LPCAT2: variants seen among roughly 807,000 people sequenced by gnomAD.
LPCAT2 encodes the protein lysophosphatidylcholine acyltransferase 2.
In LPCAT2, 58 loss-of-function variants were observed where a neutral mutation model predicts 64.7. That is an observed-to-expected ratio of 0.90 (90% CI 0.73 to 1.12). LPCAT2 has a LOEUF of 1.12. Ranked by LOEUF, LPCAT2 falls within the 50% of genes most tolerant of loss-of-function variation. The pLI is 0.00. For synonymous variants in LPCAT2, 252 were observed against 245.3 expected, an observed-to-expected ratio of 1.03 and a Z score of -0.26; for missense variants, 579 against 669.8, an observed-to-expected ratio of 0.86 and a Z score of 1.50.
At chr16:55,517,583 A>C (rs188979512) in intron 1 of LPCAT2, among the ~76,000 whole-genome samples, 1 of 152,196 alleles carries the variant, frequency 6.6e-6, no homozygotes, top group African/African-American at 2.4e-5. Flanking sequence ...TATATATGCA[A>C]AAATCCTCAA....
At chr16:55,568,715 GTC>G (rs1181433998) in intron 11 of LPCAT2, among the ~76,000 whole-genome samples, 1 of 152,156 alleles carries the variant, frequency 6.6e-6, no homozygotes, top group Non-Finnish European at 1.5e-5. Flanking sequence ...TTTCAAGCCT[GTC>G]TCAGCCAAAA....
intron 12 of LPCAT2, among the ~76,000 whole-genome samples, chr16:55,576,624 G>A (rs1485210528): frequency 6.6e-6 from 1 of 152,162 alleles, no homozygotes; most frequent in Admixed American, 6.6e-5. Context: ...CACATTTCAG[G>A]GAGGGTCCAG....
At chr16:55,574,006 A>G (rs1963799749) in intron 11 of LPCAT2, among the ~76,000 whole-genome samples, 1 of 152,182 alleles carries the variant, frequency 6.6e-6, no homozygotes, top group Non-Finnish European at 1.5e-5. Context: ...AATGCCTCCT[A>G]AGGTATATTA....
At chr16:55,510,394 T>A (rs1418621713) in intron 1 of LPCAT2, among the ~76,000 whole-genome samples, 1 of 131,050 alleles carries the variant, frequency 7.6e-6, no homozygotes, top group Admixed American at 9.9e-5. Flanking sequence ...TTGAAGTTAG[T>A]GATCAGAGAA....
chr16:55,573,897 A>T (rs1354181), intron 11 of LPCAT2, among the ~76,000 whole-genome samples: 82,941 of 151,726 alleles, frequency 0.55, 23,085 homozygotes, highest in East Asian at 0.73. Flanking sequence ...ATCTTCTTAG[A>T]GCTCCTGTCT....
At chr16:55,534,300 A>G (rs1963295891) in intron 6 of LPCAT2, 143 bp from the exon 7 acceptor site, 1 of 586,934 alleles carries the variant, frequency 1.7e-6, no homozygotes, top group Admixed American at 2.7e-5. Flanking sequence ...ACTGTTCTTT[A>G]ACAATAATGT....
intron 11 of LPCAT2, chr16:55,566,924 T>C: frequency 6.2e-7 from 1 of 1,613,866 alleles, no homozygotes; most frequent in Non-Finnish European, 8.5e-7. Flanking sequence ...CAGCTCAGTA[T>C]ACTCCAGAAC....
intron 9 of LPCAT2, 98 bp downstream of exon 9, chr16:55,545,915 G>T (rs190861495): frequency 5.1e-6 from 4 of 787,114 alleles, no homozygotes; most frequent in Middle Eastern, 2.4e-4. Flanking sequence ...ACCCCTGAAG[G>T]CCTCGTTCCC....
chr16:55,511,251 A>G (rs879841164), intron 1 of LPCAT2, among the ~76,000 whole-genome samples: 1 of 152,188 alleles, frequency 6.6e-6, no homozygotes, highest in Non-Finnish European at 1.5e-5. Context: ...TACTACTTGG[A>G]TTAAATGGGA....
intron 11 of LPCAT2, among the ~76,000 whole-genome samples, chr16:55,559,469 G>A (rs1031051045): frequency 6.6e-6 from 1 of 152,086 alleles, no homozygotes; most frequent in Admixed American, 6.5e-5. Context: ...ATTAGTTCAA[G>A]TGTTAAATCT....
intron 12 of LPCAT2, among the ~76,000 whole-genome samples, chr16:55,576,257 G>GT (rs1479965008): frequency 1.3e-5 from 2 of 150,144 alleles, no homozygotes; most frequent in African/African-American, 2.5e-5. Context: ...TTTTAAATGT[G>GT]TTTTATGTTT....
chr16:55,573,237 A>C (rs756573066), intron 11 of LPCAT2, among the ~76,000 whole-genome samples: 72 of 152,212 alleles, frequency 4.7e-4, no homozygotes, highest in Non-Finnish European at 8.7e-4. Context: ...TGTCATAAAA[A>C]TTGCATACCA....
chr16:55,523,672 G>A (rs1403702930), intron 1 of LPCAT2, among the ~76,000 whole-genome samples: 2 of 151,734 alleles, frequency 1.3e-5, no homozygotes, highest in African/African-American at 4.8e-5. Context: ...AGATATAAAA[G>A]GGTAAATAAA....
chr16:55,543,876 C>T (rs1963424093), intron 8 of LPCAT2, among the ~76,000 whole-genome samples: 1 of 152,238 alleles, frequency 6.6e-6, no homozygotes, highest in Admixed American at 6.5e-5. Flanking sequence ...CTTTCTGCAG[C>T]TTGCAGCTGC....
Position 55,582,951 on chromosome 16 carries a change from T to C in LPCAT2, c.1488T>C (p.Tyr496=). The C allele has an allele frequency of 6.2e-7, 1 of 1,613,566 alleles. No individual in the cohort carries two copies. The highest frequency in any genetic ancestry group is 1.7e-5 in the Admixed American group (1 of 59,986). The change falls in exon 14 of 14, where the codon TAT becomes TAC. Residue 496 remains tyrosine, a synonymous_variant. Coordinates refer to ENST00000262134, the MANE Select transcript of LPCAT2 (RefSeq NM_017839.5). ...FKSFALKHPE[Y]AKIFTTYLDL... ...GTTTTGCCTTAAAGCATCCAGAATA[T>C]GCTAAGATATTTACAACATACCTAG...
intron 11 of LPCAT2, among the ~76,000 whole-genome samples, chr16:55,571,557 G>A (rs1963770124): frequency 6.6e-6 from 1 of 152,130 alleles, no homozygotes; most frequent in Non-Finnish European, 1.5e-5. Flanking sequence ...AGGTTATGGA[G>A]GGATTACGGC....
chr16:55,530,496 G>A (rs837551), intron 4 of LPCAT2, among the ~76,000 whole-genome samples: 73,610 of 151,014 alleles, frequency 0.49, 18,128 homozygotes, highest in East Asian at 0.69. Flanking sequence ...CGGGGGTGGG[G>A]GGGGGGTAAC....
chr16:55,516,811 A>C (rs1305960731), intron 1 of LPCAT2, among the ~76,000 whole-genome samples: 1 of 152,194 alleles, frequency 6.6e-6, no homozygotes, highest in African/African-American at 2.4e-5. Flanking sequence ...TATGTAGAAC[A>C]CTCAACAACA....
At chr16:55,572,009 A>C (rs904807597) in intron 11 of LPCAT2, among the ~76,000 whole-genome samples, 1 of 152,190 alleles carries the variant, frequency 6.6e-6, no homozygotes, top group Admixed American at 6.5e-5. Context: ...CTAATCCAAT[A>C]ATATAATCTC....
Sources: gnomAD v4.1 joint callset for allele counts (sites outside exome capture counted in the v4.1 genomes callset) on GRCh38, gnomAD v4.1.1 for gene constraint, MANE v1.5 for transcripts, NCBI Gene and HGNC (gene_info 2026-07-23, HGNC 2026-07-21) for gene names.